Variants in TENM2 observed in about 807,000 individuals in gnomAD.
TENM2 encodes teneurin transmembrane protein 2, also known as teneurin-2.
TENM2 carries 52 observed loss-of-function variants against 245.2 expected under a neutral mutation model. The observed-to-expected ratio is 0.21, with a 90% CI of 0.17 to 0.27. The LOEUF (loss-of-function observed/expected upper bound fraction) is 0.27, where lower values mean the gene tolerates loss of function less well. Among genes scored for constraint, TENM2 ranks in the 10% least tolerant of loss-of-function variants. TENM2 has a pLI of 1.00. For synonymous variants in TENM2, 1,363 were observed against 1,438.9 expected, an observed-to-expected ratio of 0.95 and a Z score of 1.19; for missense variants, 3,046 against 3,666.8, an observed-to-expected ratio of 0.83 and a Z score of 4.37.
At chr5:167,363,625 G>T (rs1177434654) in intron 1 of TENM2, among the ~76,000 whole-genome samples, 1 of 150,936 alleles carries the variant, frequency 6.6e-6, no homozygotes, top group Non-Finnish European at 1.5e-5. Flanking sequence ...CAGCTACTCG[G>T]GAGGCTGAGG....
intron 13 of TENM2, among the ~76,000 whole-genome samples, chr5:168,189,459 G>A (rs1180994957): frequency 6.6e-6 from 1 of 152,146 alleles, no homozygotes; most frequent in Admixed American, 6.5e-5. Flanking sequence ...TGGTAGTTGA[G>A]TAAATAGGAA....
intron 20 of TENM2, 80 bp downstream of exon 22, chr5:168,211,834 C>T: frequency 1.2e-6 from 1 of 869,412 alleles, no homozygotes. Context: ...TTTTGTGCTT[C>T]TTGTGTAATG....
intron 2 of TENM2, among the ~76,000 whole-genome samples, chr5:167,404,357 G>C (rs1762517245): frequency 6.6e-6 from 1 of 152,060 alleles, no homozygotes; most frequent in Non-Finnish European, 1.5e-5. Flanking sequence ...CCGTCCATCA[G>C]CATAGGATAA....
chr5:167,707,552 C>A (rs1483934217), intron 2 of TENM2, among the ~76,000 whole-genome samples: 1 of 152,136 alleles, frequency 6.6e-6, no homozygotes, highest in South Asian at 2.1e-4. Flanking sequence ...TCTCCAAGCT[C>A]ACCAAGTTGT....
intron 2 of TENM2, among the ~76,000 whole-genome samples, chr5:167,759,590 G>T (rs75023825): frequency 6.6e-6 from 1 of 152,148 alleles, no homozygotes. Flanking sequence ...CCAGAGGGAC[G>T]TGAGGAGAGA....
chr5:167,167,150 G>A, the TENM2 span, among the ~76,000 whole-genome samples: 1 of 152,246 alleles, frequency 6.6e-6, no homozygotes, highest in Non-Finnish European at 1.5e-5. Context: ...TTAGAGTTGG[G>A]AAGACACAAA....
At chr5:167,115,877 C>T in the TENM2 span, among the ~76,000 whole-genome samples, 1 of 152,046 alleles carries the variant, frequency 6.6e-6, no homozygotes. Flanking sequence ...AGTATCAGAC[C>T]CTCTACGTTT....
intron 2 of TENM2, among the ~76,000 whole-genome samples, chr5:167,433,364 C>A (rs1310653312): frequency 6.6e-6 from 1 of 151,790 alleles, no homozygotes. Flanking sequence ...AGGAAACAAC[C>A]AAAAAAGATT....
At chr5:168,184,615 C>T (rs1760223303) in intron 13 of TENM2, among the ~76,000 whole-genome samples, 1 of 152,176 alleles carries the variant, frequency 6.6e-6, no homozygotes, top group Non-Finnish European at 1.5e-5. Flanking sequence ...TTCTCATTCC[C>T]TGAGCCATTT....
chr5:167,260,154 G>A, the TENM2 span, among the ~76,000 whole-genome samples: 3 of 152,078 alleles, frequency 2.0e-5, no homozygotes, highest in African/African-American at 7.2e-5. Flanking sequence ...GTATCATCTA[G>A]TTATGAGAGG....
intron 28 of TENM2, among the ~76,000 whole-genome samples, chr5:168,261,172 G>C (rs115204644): frequency 3.3e-5 from 5 of 152,018 alleles, no homozygotes; most frequent in Non-Finnish European, 7.4e-5. Flanking sequence ...TCTAAGTGCC[G>C]TTACCTCCCA....
At chr5:167,831,891 A>T (rs915990413) in intron 2 of TENM2, among the ~76,000 whole-genome samples, 2 of 152,104 alleles carry the variant, frequency 1.3e-5, no homozygotes, top group African/African-American at 2.4e-5. Context: ...AGATTTCCAC[A>T]TGCAGCCGTG....
chr5:167,194,662 A>C, the TENM2 span, among the ~76,000 whole-genome samples: 1 of 151,896 alleles, frequency 6.6e-6, no homozygotes, highest in Non-Finnish European at 1.5e-5. Flanking sequence ...AAGGTCACAC[A>C]CTCTAACTTT....
exon 4 of TENM2, chr5:167,952,636 C>G: frequency 6.2e-7 from 1 of 1,613,180 alleles, no homozygotes; most frequent in Non-Finnish European, 8.5e-7. Flanking sequence ...CCTCTCCCAC[C>G]CCCTCACAAC....
At chr5:168,140,315 G>A (rs1411434683) in intron 12 of TENM2, among the ~76,000 whole-genome samples, 1 of 152,338 alleles carries the variant, frequency 6.6e-6, no homozygotes, top group East Asian at 1.9e-4. Flanking sequence ...ACACAAAGCA[G>A]CTAGGTGGAC....
At chr5:167,904,316 A>G (rs1287217110) in intron 3 of TENM2, among the ~76,000 whole-genome samples, 1 of 152,182 alleles carries the variant, frequency 6.6e-6, no homozygotes, top group African/African-American at 2.4e-5. Flanking sequence ...CTACCTGGAC[A>G]ATGGTGAGCA....
intron 23 of TENM2, 117 bp downstream of exon 25, chr5:168,219,116 A>G (rs1223369951): frequency 6.0e-6 from 6 of 991,970 alleles, no homozygotes; most frequent in Non-Finnish European, 7.5e-6. Flanking sequence ...TCTAACTTTA[A>G]TGATGTCTTA....
intron 2 of TENM2, among the ~76,000 whole-genome samples, chr5:167,440,996 A>G (rs1344269878): frequency 1.3e-5 from 2 of 151,908 alleles, no homozygotes; most frequent in East Asian, 3.9e-4. Flanking sequence ...CTATTTGCTA[A>G]CCTCCTCCCC....
chr5:168,058,008 T>C (rs539050202), intron 6 of TENM2, among the ~76,000 whole-genome samples: 1 of 152,282 alleles, frequency 6.6e-6, no homozygotes, highest in Non-Finnish European at 1.5e-5. Flanking sequence ...TAGTTATACC[T>C]TTTACAGACA....
Sources: gnomAD v4.1 joint callset for allele counts (sites outside exome capture counted in the v4.1 genomes callset) on GRCh38, gnomAD v4.1.1 for gene constraint, MANE v1.5 for transcripts, NCBI Gene and HGNC (gene_info 2026-07-23, HGNC 2026-07-21) for gene names.